Variants in CPQ observed in about 807,000 individuals in gnomAD.
CPQ encodes the protein Ser-Met dipeptidase.
A neutral mutation model predicts 45.7 loss-of-function variants in CPQ; 37 were observed. The observed-to-expected ratio is 0.81, with a 90% CI of 0.62 to 1.07. The LOEUF is 1.07. Among genes scored for constraint, CPQ ranks in the 50% least tolerant of loss-of-function variants. The pLI is 0.00. For synonymous variants in CPQ, 186 were observed against 205.8 expected, an observed-to-expected ratio of 0.90 and a Z score of 0.82; for missense variants, 537 against 572.9, an observed-to-expected ratio of 0.94 and a Z score of 0.64.
At chr8:96,732,468 G>A (rs1196211496) in intron 1 of CPQ, 1 of 151,956 alleles carries the variant, frequency 6.6e-6, no homozygotes, top group Non-Finnish European at 1.5e-5. Flanking sequence ...ACATTTTTTT[G>A]TAATTATCTT....
chr8:96,647,076 A>G (rs1187063100), intron 1 of CPQ, among the ~76,000 whole-genome samples: 1 of 152,228 alleles, frequency 6.6e-6, no homozygotes, highest in Non-Finnish European at 1.5e-5. Context: ...CTTCGCATGC[A>G]TTTGAGATTA....
chr8:96,707,671 G>A (rs999051226), intron 1 of CPQ, among the ~76,000 whole-genome samples: 2 of 149,554 alleles, frequency 1.3e-5, no homozygotes, highest in Non-Finnish European at 2.9e-5. Context: ...TTTAATGAAT[G>A]AATGAATGAA....
At chr8:96,831,458 A>G (rs1041041335) in intron 2 of CPQ, among the ~76,000 whole-genome samples, 3 of 152,146 alleles carry the variant, frequency 2.0e-5, no homozygotes, top group African/African-American at 7.2e-5. Context: ...AGAGGTTTTC[A>G]TGAACTATCT....
chr8:96,776,964 C>G (rs1381136551), intron 1 of CPQ, among the ~76,000 whole-genome samples: 3 of 152,084 alleles, frequency 2.0e-5, no homozygotes, highest in Admixed American at 2.0e-4. Context: ...ACAATAACTT[C>G]AACCTTTTGT....
intron 4 of CPQ, among the ~76,000 whole-genome samples, chr8:96,901,733 T>G (rs6981786): frequency 0.14 from 20,888 of 152,126 alleles, 3,211 homozygotes; most frequent in African/African-American, 0.38. Context: ...GAAATGATTG[T>G]TCACAATAAT....
intron 1 of CPQ, among the ~76,000 whole-genome samples, chr8:96,702,461 C>T (rs150992498): frequency 5.8e-4 from 89 of 152,250 alleles, no homozygotes; most frequent in African/African-American, 1.8e-3. Flanking sequence ...CTGTATCCAT[C>T]ACATGTTTTT....
intron 7 of CPQ, among the ~76,000 whole-genome samples, chr8:97,087,473 A>AGTG: frequency 6.6e-6 from 1 of 152,004 alleles, no homozygotes; most frequent in South Asian, 2.1e-4. Context: ...ACCACCCCAG[A>AGTG]GTGGTGGGCT....
At chr8:96,862,540 T>C (rs4628230) in intron 3 of CPQ, among the ~76,000 whole-genome samples, 58,793 of 151,816 alleles carry the variant, frequency 0.39, 12,055 homozygotes, top group Non-Finnish European at 0.46. Context: ...TTGATAGGCA[T>C]TGGAAAGCCA....
In CPQ at chr8:97,043,700, A is replaced by T. The variant is rs550410542; in HGVS notation, c.1053+14206A>T. ...AGGCCTGGTGGTGACAAAATCTCTC[A>T]TTTGCTTGTCTGTAAAGTATTTTAT... On this transcript the variant is annotated intron_variant, in intron 6 of 7. Transcript: ENST00000220763. Among the ~76,000 whole-genome samples the T allele has an allele frequency of 6.6e-5, 10 of 152,214 alleles. No individual in the cohort carries two copies. The East Asian group carries it at 1.7e-3, about 26-fold the overall frequency.
chr8:96,838,681 C>T lies in CPQ; in HGVS notation c.641+3501C>T, dbSNP rs185048561. ...ACGTGTATTTTTTAACCTCTGGATT[C>T]CTATCATCTAGTATAATGTTTGAAA... On this transcript the variant is annotated intron_variant, in intron 3 of 7. Transcript: ENST00000220763. Among the ~76,000 whole-genome samples the T allele has an allele frequency of 2.1e-3, 317 of 151,992 alleles. 1 individual carries two copies. The highest frequency in any genetic ancestry group is 6.8e-3 in the Middle Eastern group (2 of 294).
At chr8:96,803,069 T>C (rs578192043) in intron 2 of CPQ, among the ~76,000 whole-genome samples, 1 of 152,006 alleles carries the variant, frequency 6.6e-6, no homozygotes, top group East Asian at 1.9e-4. Flanking sequence ...ATCTACCAGA[T>C]GGAGACCCAG....
At chr8:97,010,231 T>A (rs554496630) in intron 5 of CPQ, among the ~76,000 whole-genome samples, 1 of 152,292 alleles carries the variant, frequency 6.6e-6, no homozygotes, top group South Asian at 2.1e-4. Context: ...TGTCCTAGGT[T>A]ATTTTTGCTT....
chr8:96,929,028 C>T (rs916954871), intron 4 of CPQ, among the ~76,000 whole-genome samples: 4 of 152,092 alleles, frequency 2.6e-5, no homozygotes, highest in African/African-American at 9.7e-5. Context: ...GATCCTCTCC[C>T]CAGCCAACGT....
At chr8:97,115,288 G>C (rs1375649907) in intron 7 of CPQ, among the ~76,000 whole-genome samples, 1 of 152,192 alleles carries the variant, frequency 6.6e-6, no homozygotes, top group Non-Finnish European at 1.5e-5. Flanking sequence ...CTACCTAACT[G>C]TTGTGTTTTG....
intron 6 of CPQ, among the ~76,000 whole-genome samples, chr8:97,043,485 C>A (rs912810372): frequency 6.6e-6 from 1 of 152,114 alleles, no homozygotes; most frequent in African/African-American, 2.4e-5. Context: ...AGTCCATTTA[C>A]ATTTAAAGAT....
intron 3 of CPQ, among the ~76,000 whole-genome samples, chr8:96,853,151 GC>G (rs1409709542): frequency 6.6e-6 from 1 of 152,160 alleles, no homozygotes; most frequent in Non-Finnish European, 1.5e-5. Flanking sequence ...TTCCTCAGTT[GC>G]CACACAGTTT....
intron 6 of CPQ, among the ~76,000 whole-genome samples, chr8:97,059,183 T>C (rs1810504627): frequency 6.6e-6 from 1 of 152,120 alleles, no homozygotes; most frequent in Non-Finnish European, 1.5e-5. Context: ...TAGGTTTGTC[T>C]CAGAACAGAA....
intron 4 of CPQ, among the ~76,000 whole-genome samples, chr8:96,882,205 G>A (rs1018994154): frequency 2.0e-5 from 3 of 152,200 alleles, no homozygotes; most frequent in Non-Finnish European, 4.4e-5. Context: ...AAGGACCTGG[G>A]CATCAACCAT....
In CPQ at chr8:97,099,232, G is replaced by A. The variant is rs540547401; in HGVS notation, c.1255+33022G>A. On this transcript the variant is annotated intron_variant, in intron 7 of 7. Transcript: ENST00000220763. ...TGCAACATCCACCTCCCAGATTCAAGGGATCCTCCTGCCTCTGCCTCCTGA... is the reference window on the plus strand; with the variant it reads ...TGCAACATCCACCTCCCAGATTCAAAGGATCCTCCTGCCTCTGCCTCCTGA... Among the ~76,000 whole-genome samples the A allele has an allele frequency of 1.2e-4, 17 of 140,722 alleles. No homozygotes were observed. The South Asian group carries it at 3.7e-3, about 31-fold the overall frequency. The allele number at this position is 140,722 out of a possible 152,430, so 92.3% of individuals were successfully genotyped here.
Sources: allele counts gnomAD v4.1 joint callset (sites outside exome capture counted in the v4.1 genomes callset), GRCh38; gene constraint gnomAD v4.1.1; transcripts MANE v1.5; gene names NCBI Gene and HGNC (gene_info 2026-07-23, HGNC 2026-07-21).